The following PRUNE2 variants were observed in gnomAD, a reference collection of about 807,000 sequenced individuals.
The protein encoded by PRUNE2 is prune homolog 2 with BCH domain.
A neutral mutation model predicts 252.0 loss-of-function variants in PRUNE2; 164 were observed. The observed-to-expected ratio is 0.65, with a 90% CI of 0.57 to 0.74. The LOEUF (loss-of-function observed/expected upper bound fraction) is 0.74. Among genes scored for constraint, PRUNE2 ranks in the 30% least tolerant of loss-of-function variants. The pLI is 0.00. For synonymous variants in PRUNE2, 1,292 were observed against 1,350.2 expected (o/e 0.96, Z 0.94); for missense variants, 3,495 against 3,711.0 (o/e 0.94, Z 1.51).
intron 6 of PRUNE2, among the ~76,000 whole-genome samples, chr9:76,796,485 C>A (rs1441478953): frequency 1.3e-5 from 2 of 152,160 alleles, no homozygotes; most frequent in Admixed American, 6.5e-5. Context: ...CATTTTGGCA[C>A]GGCCCCCACC....
intron 6 of PRUNE2, among the ~76,000 whole-genome samples, chr9:76,804,248 G>A (rs746637535): frequency 7.2e-5 from 11 of 152,222 alleles, no homozygotes; most frequent in Middle Eastern, 3.4e-3. Flanking sequence ...CAAACTGCAC[G>A]GGGCACACGG....
Position 76,708,451 on chromosome 9 carries a change from C to T in PRUNE2, c.3823G>A (p.Glu1275Lys). 1 of 1,613,918 alleles carries T rather than the reference C, an allele frequency of 6.2e-7. No individual in the cohort carries two copies. Among genetic ancestry groups the T allele is most frequent in the Non-Finnish European group, 8.5e-7 (1 of 1,179,880 alleles). The change falls in exon 8 of 19, where the codon GAA becomes AAA. Residue 1275 changes from glutamate (E) to lysine (K), a missense_variant. Glu to Lys is a moderately conservative substitution (Grantham distance 56). Transcript: ENST00000376718. ...AGATGAGATATAAGTGCCTCTGATT[C>T]ACTGGTTCCAGAGGCTGCTGGCGCA... is the stretch of plus-strand genomic sequence containing the variant. Reference protein sequence around the residue: ...PDAPAASGTSESEALISHLDK... With the variant: ...PDAPAASGTSKSEALISHLDK...
At chr9:76,641,503 A>G (rs1287455165) in intron 12 of PRUNE2, among the ~76,000 whole-genome samples, 2 of 152,244 alleles carry the variant, frequency 1.3e-5, no homozygotes, top group African/African-American at 4.8e-5. Flanking sequence ...GCAAAGTGCA[A>G]TAACTAGAAT....
chr9:76,891,415 CCCT>C (rs780964766), intron 1 of PRUNE2, among the ~76,000 whole-genome samples: 33 of 152,232 alleles, frequency 2.2e-4, no homozygotes, highest in Non-Finnish European at 3.7e-4. Flanking sequence ...CCTCCAGAGA[CCCT>C]GCCTCTCAGG....
chr9:76,682,248 T>C (rs1336116465), intron 9 of PRUNE2, among the ~76,000 whole-genome samples: 1 of 151,634 alleles, frequency 6.6e-6, no homozygotes, highest in Non-Finnish European at 1.5e-5. Context: ...AAAAACATAG[T>C]TTACTTATAG....
At chr9:76,879,434 G>C (rs2133244816) in intron 1 of PRUNE2, among the ~76,000 whole-genome samples, 1 of 152,156 alleles carries the variant, frequency 6.6e-6, no homozygotes. Flanking sequence ...AATATTTACT[G>C]AACACCACAG....
chr9:76,851,323 A>G (rs980580283), intron 2 of PRUNE2, among the ~76,000 whole-genome samples: 14 of 152,292 alleles, frequency 9.2e-5, no homozygotes, highest in South Asian at 6.2e-4. Context: ...CAAGGCGGGC[A>G]GATCACGAGG....
At chr9:76,780,692 A>AAAACAAAC (rs140032621) in intron 6 of PRUNE2, among the ~76,000 whole-genome samples, 73 of 152,072 alleles carry the variant, frequency 4.8e-4, no homozygotes, top group African/African-American at 1.5e-3. Flanking sequence ...CTCCGTCTCA[A>AAAACAAAC]AAACAAACAA....
chr9:76,680,662 A>C (rs1422934342), intron 9 of PRUNE2, among the ~76,000 whole-genome samples: 2 of 152,234 alleles, frequency 1.3e-5, no homozygotes, highest in Non-Finnish European at 2.9e-5. Context: ...TAATGGAAGA[A>C]TGGAAGTATT....
chr9:76,884,558 T>C (rs960452007), intron 1 of PRUNE2, among the ~76,000 whole-genome samples: 3 of 152,256 alleles, frequency 2.0e-5, no homozygotes, highest in African/African-American at 7.2e-5. Context: ...AAGGACTTTA[T>C]GTGCACAGTG....
intron 6 of PRUNE2, among the ~76,000 whole-genome samples, chr9:76,773,636 G>T (rs1309843490): frequency 1.3e-5 from 2 of 152,048 alleles, no homozygotes; most frequent in African/African-American, 2.4e-5. Flanking sequence ...TACAGGAGGG[G>T]TTTTGCCATG....
rs1491356086 is a variant in PRUNE2, at chr9:76,768,623, G to GTGTGTA, written c.757-54903_757-54902insTACACA. Among the ~76,000 whole-genome samples the GTGTGTA allele has an allele frequency of 3.3e-3, 426 of 130,188 alleles. 1 individual carries two copies. The highest frequency in any genetic ancestry group is 0.012 in the African/African-American group (414 of 35,972). The allele number at this position is 130,188 out of a possible 152,430, so 85.4% of individuals were successfully genotyped here. On this transcript the variant is annotated intron_variant, in intron 6 of 18. Transcript: ENST00000376718. ...TGTGTGTGTGTGTGTGTGTGTGTGT[G>GTGTGTA]TATATCCCTGCTGACTAGATCATCA...
Position 76,708,542 on chromosome 9 carries a change from C to A in PRUNE2, c.3732G>T (p.Glu1244Asp). The A allele has an allele frequency of 6.2e-7, 1 of 1,613,936 alleles. No individual in the cohort carries two copies. The highest frequency in any genetic ancestry group is 8.5e-7 in the Non-Finnish European group (1 of 1,179,878). Residue 1244 changes from glutamate (E) to aspartate (D), a missense_variant, in exon 8 of 19, where the codon GAG (glutamate) becomes GAT (aspartate). Transcript: ENST00000376718. ...GGATTTCAGGAGGCAATTCCCTTTG[C>A]TCTGAATCTGTGATATGTGAGGAGC... Reference protein sequence around the residue: ...LPGSSHITDSEQRELPPEIPS... With the variant: ...LPGSSHITDSDQRELPPEIPS...
intron 16 of PRUNE2, among the ~76,000 whole-genome samples, chr9:76,627,389 G>T (rs567363874): frequency 3.7e-4 from 57 of 152,148 alleles, no homozygotes; most frequent in African/African-American, 1.3e-3. Context: ...TAAGATTACA[G>T]GTGTGAGGCA....
chr9:76,649,590 TATAG>T (rs1332414510), intron 11 of PRUNE2, among the ~76,000 whole-genome samples: 2 of 129,370 alleles, frequency 1.5e-5, no homozygotes, highest in East Asian at 2.1e-4. Context: ...TGTCTTAAAG[TATAG>T]ATAGATAGAT....
chr9:76,823,658 T>C lies in PRUNE2; in HGVS notation c.730A>G (p.Ile244Val), dbSNP rs775402245. 6.2e-6 allele frequency: 10 copies of C among 1,610,300 alleles called. No individual in the cohort carries two copies. Among genetic ancestry groups the C allele is most frequent in the South Asian group, 5.5e-5 (5 of 90,990 alleles). Residue 244 changes from isoleucine to valine, a missense_variant, in exon 6 of 19, where the codon ATT (isoleucine) becomes GTT (valine). Coordinates refer to ENST00000376718, the MANE Select transcript of PRUNE2 (RefSeq NM_015225.3). ...ELSDGEIKVA[I>V]STVSMNLENC... is the part of the protein sequence containing the mutation. The stretch of plus-strand genomic sequence containing the variant: ...TCAAGGTTCATGCTCACAGTACTAA[T>C]GGCCACTTTTATTTCTCCATCTGAC...
At chr9:76,733,133 G>A (rs1236186324) in intron 6 of PRUNE2, among the ~76,000 whole-genome samples, 1 of 152,080 alleles carries the variant, frequency 6.6e-6, no homozygotes, top group East Asian at 1.9e-4. Flanking sequence ...CCACAGGTAT[G>A]GGTGCTTGCT....
intron 6 of PRUNE2, among the ~76,000 whole-genome samples, chr9:76,777,775 A>G (rs902968601): frequency 1.3e-5 from 2 of 152,220 alleles, no homozygotes; most frequent in African/African-American, 4.8e-5. Context: ...GGGAAGTATT[A>G]TTTTATATAA....
intron 6 of PRUNE2, chr9:76,758,434 G>C (rs950357839): frequency 1.3e-5 from 2 of 152,126 alleles, no homozygotes; most frequent in African/African-American, 4.8e-5. Context: ...GAATCAAGTG[G>C]GAATAACAAT....
Sources: gnomAD v4.1 joint callset for allele counts (sites outside exome capture counted in the v4.1 genomes callset) on GRCh38, gnomAD v4.1.1 for gene constraint, MANE v1.5 for transcripts, NCBI Gene and HGNC (gene_info 2026-07-23, HGNC 2026-07-21) for gene names.